AKAP12: variants seen among roughly 807,000 people sequenced by gnomAD.
AKAP12 encodes A-kinase anchoring protein 12.
Under a neutral mutation model 79.9 loss-of-function variants are expected in AKAP12, and 32 were observed. That is an observed-to-expected ratio of 0.40 (90% CI 0.30 to 0.54). The LOEUF (loss-of-function observed/expected upper bound fraction) is 0.54, where lower values mean the gene tolerates loss of function less well. Ranked by LOEUF, AKAP12 falls within the 20% of genes least tolerant of loss-of-function variation. AKAP12 has a pLI of 0.48. For missense variants in AKAP12, 2,074 were observed against 2,177.0 expected (o/e 0.95, Z 0.94); for synonymous variants, 808 against 857.0 (o/e 0.94, Z 1.00).
chr6:151,284,093 C>T (rs1447147843), intron 2 of AKAP12, among the ~76,000 whole-genome samples: 1 of 152,172 alleles, frequency 6.6e-6, no homozygotes, highest in Non-Finnish European at 1.5e-5. Flanking sequence ...GGTGAACGCA[C>T]GAGTAACCCT....
chr6:151,240,785 G>T, intron 2 of AKAP12, 61 bp downstream of exon 2: 1 of 1,103,552 alleles, frequency 9.1e-7, no homozygotes, highest in East Asian at 3.6e-5. Context: ...GGGGGTGGGG[G>T]TGGGGGGGTC....
At chr6:151,286,037 G>A (rs1017453636) in intron 2 of AKAP12, among the ~76,000 whole-genome samples, 2 of 152,012 alleles carry the variant, frequency 1.3e-5, no homozygotes, top group African/African-American at 4.8e-5. Flanking sequence ...CACCATGCCT[G>A]GGTAATTTTT....
chr6:151,352,050 G>A lies in AKAP12; in HGVS notation c.3659G>A (p.Arg1220Lys), dbSNP rs1424291865. ...EAEAVPAQKE[R>K]PPAPSSFVFQ... Reference sequence around the variant, plus strand: ...GAGGCAGTTCCTGCACAGAAAGAGAGGCCTCCAGCACCTTCCAGTTTTGTG... The same window carrying A: ...GAGGCAGTTCCTGCACAGAAAGAGAAGCCTCCAGCACCTTCCAGTTTTGTG... The change falls in exon 4 of 5, where the codon AGG becomes AAG. Residue 1220 changes from arginine to lysine, a missense_variant. By Grantham distance (26) the Arg-to-Lys change is conservative (BLOSUM62 2). This residue lies in a region of AKAP12 where 614 missense variants were observed against 665.6 expected (regional missense o/e 0.92). Transcript: ENST00000402676. The A allele has an allele frequency of 5.0e-6, 8 of 1,613,952 alleles. No homozygotes were observed. Among genetic ancestry groups the A allele is most frequent in the Non-Finnish European group, 6.8e-6 (8 of 1,180,040 alleles).
intron 3 of AKAP12, among the ~76,000 whole-genome samples, chr6:151,322,477 G>T (rs534123888): frequency 3.0e-4 from 45 of 152,160 alleles, no homozygotes; most frequent in African/African-American, 1.1e-3. Flanking sequence ...CCCAACTCCC[G>T]GACCTCCCTA....
rs962795342 is a variant in AKAP12 at position 151,350,648 on chromosome 6, G to A, written c.2257G>A (p.Gly753Arg). ...GGAGCAAGCTGGAAGCCCTACCGAA[G>A]GGGAGGGCGTTTCCACCTGGGAGTC... ...SPEQAGSPTE[G>R]EGVSTWESFK... The change falls in exon 4 of 5, where the codon GGG (glycine) becomes AGG (arginine). Residue 753 changes from glycine (G) to arginine (R), a missense_variant. Transcript: ENST00000402676. This position sits in a 1 kb window ranked among gnomAD's most constrained non-coding sequence, Gnocchi z 4.8. 1 of 1,613,942 alleles carries A rather than the reference G, an allele frequency of 6.2e-7. No individual in the cohort carries two copies.
intron 2 of AKAP12, among the ~76,000 whole-genome samples, chr6:151,305,536 A>G (rs2473609): frequency 0.86 from 131,047 of 152,110 alleles, 56,723 homozygotes; most frequent in East Asian, 1. Context: ...TGAATGGCTG[A>G]TGGGCACACT....
At position 151,353,633 on chromosome 6, in the gene AKAP12, G is replaced by C. The variant is rs772372286; in HGVS notation, c.5242G>C (p.Glu1748Gln). ...GGATGCCCAGGAAGTAGAATTGCAGGAAGGAAAAGTGCACAGTGAATCAGA... is the reference window on the plus strand; with the variant it reads ...GGATGCCCAGGAAGTAGAATTGCAGCAAGGAAAAGTGCACAGTGAATCAGA... ...KEDAQEVELQ[E>Q]GKVHSESDKA... Residue 1748 changes from glutamate (E) to glutamine (Q), a missense_variant, in exon 4 of 5, where the codon GAA (glutamate) becomes CAA (glutamine). Transcript: ENST00000402676. 33 of 1,614,034 alleles carry C rather than the reference G, an allele frequency of 2.0e-5. No homozygotes were observed. The East Asian group carries it at 7.4e-4, about 36-fold the overall frequency.
chr6:151,272,156 G>A (rs926678543), intron 2 of AKAP12, among the ~76,000 whole-genome samples: 5 of 151,946 alleles, frequency 3.3e-5, no homozygotes, highest in African/African-American at 1.2e-4. Context: ...CCTGGGCAAC[G>A]TAATGAGACT....
At chr6:151,337,378 C>T (rs1329540481) in intron 3 of AKAP12, among the ~76,000 whole-genome samples, 1 of 151,430 alleles carries the variant, frequency 6.6e-6, no homozygotes, top group Non-Finnish European at 1.5e-5. Context: ...AGCCGGGCGT[C>T]GCGGCGGGCG....
intron 2 of AKAP12, among the ~76,000 whole-genome samples, chr6:151,303,216 A>T (rs1418395040): frequency 6.6e-6 from 1 of 151,844 alleles, no homozygotes; most frequent in East Asian, 1.9e-4. Flanking sequence ...AAAAAGAAAT[A>T]CTCTGACATT....
intron 2 of AKAP12, among the ~76,000 whole-genome samples, chr6:151,305,401 C>G (rs912864552): frequency 6.6e-6 from 1 of 152,162 alleles, no homozygotes; most frequent in African/African-American, 2.4e-5. Context: ...AGTCTGCCTT[C>G]CATAGTAATT....
At chr6:151,342,102 G>A (rs1352691476) in intron 3 of AKAP12, among the ~76,000 whole-genome samples, 1 of 152,242 alleles carries the variant, frequency 6.6e-6, no homozygotes, top group Non-Finnish European at 1.5e-5. Context: ...GGAGGTGGGC[G>A]GCAGGGCAGG....
intron 2 of AKAP12, among the ~76,000 whole-genome samples, chr6:151,291,977 A>G (rs2114737775): frequency 6.6e-6 from 1 of 152,300 alleles, no homozygotes; most frequent in South Asian, 2.1e-4. Context: ...AGTGGGCTTC[A>G]GAAAGGAGCC....
rs748242869 is a variant in AKAP12, at chr6:151,352,537, C to T, written c.4146C>T (p.Ile1382=). The change falls in exon 4 of 5, where the codon ATC becomes ATT. Residue 1382 remains isoleucine (I), a synonymous_variant. Transcript: ENST00000402676. The part of the protein sequence containing the change: ...KQLLQTVNVP[I]IDGAKEVSSL... ...TCCTCCAGACAGTGAATGTGCCCAT[C>T]ATAGATGGGGCAAAGGAAGTCAGCA... 6.2e-7 allele frequency: 1 copy of T among 1,614,146 alleles called. No individual in the cohort carries two copies. The highest frequency in any genetic ancestry group is 2.2e-5 in the East Asian group (1 of 44,878).
intron 3 of AKAP12, among the ~76,000 whole-genome samples, chr6:151,312,431 T>C (rs1460691316): frequency 2.6e-5 from 4 of 151,858 alleles, no homozygotes; most frequent in African/African-American, 9.7e-5. Flanking sequence ...TGAGCCATGA[T>C]TGCACCACTG....
chr6:151,279,795 A>C (rs1776361024), intron 2 of AKAP12, among the ~76,000 whole-genome samples: 1 of 151,990 alleles, frequency 6.6e-6, no homozygotes, highest in African/African-American at 2.4e-5. Context: ...GCAGTGAGCT[A>C]ACGATTGCAC....
intron 2 of AKAP12, among the ~76,000 whole-genome samples, chr6:151,273,124 G>A (rs1776223739): frequency 6.6e-6 from 1 of 151,656 alleles, no homozygotes; most frequent in East Asian, 2.0e-4. Flanking sequence ...AGCCAGGATG[G>A]TCTGGATCTC....
Position 151,288,248 on chromosome 6 carries a change from C to T in AKAP12, c.163-17499C>T, listed in dbSNP as rs1025707073. ...AAAGAATTATGGCTGGGTGCAGTGGCCCATGCTGGTAATCCCAACACTTTG... is the reference window on the plus strand; with the variant it reads ...AAAGAATTATGGCTGGGTGCAGTGGTCCATGCTGGTAATCCCAACACTTTG... On this transcript the variant is annotated intron_variant, in intron 2 of 4. Transcript: ENST00000402676. Among the ~76,000 whole-genome samples the T allele has an allele frequency of 7.3e-5, 11 of 151,168 alleles. No individual in the cohort carries two copies. In the East Asian group the frequency reaches 1.2e-3, roughly 16 times the overall value.
Position 151,350,719 on chromosome 6 carries a change from G to A in AKAP12, c.2328G>A (p.Leu776=). 1 of 1,613,896 alleles carries A rather than the reference G, an allele frequency of 6.2e-7. No homozygotes were observed. The highest frequency in any genetic ancestry group is 8.5e-7 in the Non-Finnish European group (1 of 1,179,982). The change falls in exon 4 of 5, where the codon CTG becomes CTA. Residue 776 remains leucine, a synonymous_variant. Coordinates refer to ENST00000402676, the MANE Select transcript of AKAP12 (RefSeq NM_005100.4). The surrounding 1 kb of genome is among the most constrained non-coding windows in gnomAD (Gnocchi z 4.8). ...CAAGAAAAAAATCAAAGTCCAAGCT[G>A]GAAGAGAAAAGCGAAGACTCCATAG... ...VTPRKKSKSK[L]EEKSEDSIAG...
Sources: gnomAD v4.1 joint callset for allele counts (sites outside exome capture counted in the v4.1 genomes callset) on GRCh38, gnomAD v4.1.1 for gene constraint, gnomAD v4.1.1 regional missense constraint, Gnocchi (gnomAD v3.1) non-coding constraint, MANE v1.5 for transcripts, NCBI Gene and HGNC (gene_info 2026-07-23, HGNC 2026-07-21) for gene names.